The following CCDC178 variants were observed in gnomAD, a reference collection of about 807,000 sequenced individuals.
The protein encoded by CCDC178 is coiled-coil domain-containing protein 178.
A neutral mutation model predicts 117.4 loss-of-function variants in CCDC178; 126 were observed. That is an observed-to-expected ratio of 1.07 (90% CI 0.93 to 1.24). CCDC178 has a LOEUF of 1.24. CCDC178 is among the 50% of genes most tolerant of loss of function. The pLI, the probability that CCDC178 is intolerant of heterozygous loss-of-function variation, is 0.00. For synonymous variants in CCDC178, 283 were observed against 313.4 expected, an observed-to-expected ratio of 0.90 and a Z score of 1.02; for missense variants, 1,030 against 986.9, an observed-to-expected ratio of 1.04 and a Z score of -0.59.
chr18:33,193,710 G>A (rs1051927027), intron 20 of CCDC178, among the ~76,000 whole-genome samples: 6 of 152,152 alleles, frequency 3.9e-5, no homozygotes, highest in Non-Finnish European at 7.3e-5. Flanking sequence ...TTGAAAAACT[G>A]TTATAGTAAA....
intron 6 of CCDC178, 48 bp downstream of exon 6, chr18:33,370,002 G>C (rs536486021): frequency 2.7e-6 from 4 of 1,464,010 alleles, no homozygotes; most frequent in South Asian, 1.4e-5. Context: ...ATCCTTAGAG[G>C]GTCGATAAAG....
chr18:33,414,464 T>C (rs1054011132), intron 2 of CCDC178, among the ~76,000 whole-genome samples: 6 of 152,168 alleles, frequency 3.9e-5, no homozygotes, highest in African/African-American at 1.4e-4. Context: ...ATTCCCTATT[T>C]AATAAACAGT....
chr18:33,417,118 A>C (rs1431283050), intron 2 of CCDC178, among the ~76,000 whole-genome samples: 2 of 152,188 alleles, frequency 1.3e-5, no homozygotes. Context: ...ATCCCAGATA[A>C]CATTTTCATT....
At chr18:33,174,839 ATTCCTGTT>A (rs1384788642) in intron 20 of CCDC178, among the ~76,000 whole-genome samples, 1 of 151,750 alleles carries the variant, frequency 6.6e-6, no homozygotes, top group Non-Finnish European at 1.5e-5. Flanking sequence ...TTAACCAACA[ATTCCTGTT>A]TCATATTAGT....
intron 21 of CCDC178, among the ~76,000 whole-genome samples, chr18:33,069,589 G>A (rs924436368): frequency 9.9e-5 from 15 of 152,042 alleles, no homozygotes; most frequent in African/African-American, 3.6e-4. Flanking sequence ...AAGTACAGGA[G>A]AAAACCTTGA....
At chr18:33,276,464 G>A (rs2059951068) in intron 12 of CCDC178, among the ~76,000 whole-genome samples, 1 of 152,012 alleles carries the variant, frequency 6.6e-6, no homozygotes, top group Non-Finnish European at 1.5e-5. Context: ...AAAAGACTAA[G>A]CACTGAGGTT....
At chr18:33,268,692 A>T (rs2059850259) in intron 12 of CCDC178, among the ~76,000 whole-genome samples, 1 of 151,872 alleles carries the variant, frequency 6.6e-6, no homozygotes, top group African/African-American at 2.4e-5. Context: ...ACCATGAAAA[A>T]AATGTAAAAT....
intron 20 of CCDC178, among the ~76,000 whole-genome samples, chr18:33,117,382 C>T (rs1366549204): frequency 1.3e-5 from 2 of 152,078 alleles, no homozygotes; most frequent in African/African-American, 4.8e-5. Context: ...GACTTCCACT[C>T]ACCAAAGCTG....
intron 4 of CCDC178, among the ~76,000 whole-genome samples, chr18:33,394,493 G>A (rs2144837922): frequency 6.6e-6 from 1 of 151,698 alleles, no homozygotes; most frequent in Non-Finnish European, 1.5e-5. Context: ...AATTCCAAGA[G>A]ATTCTTGTAA....
At chr18:32,968,097 G>A (rs1393933366) in intron 22 of CCDC178, among the ~76,000 whole-genome samples, 4 of 151,642 alleles carry the variant, frequency 2.6e-5, no homozygotes, top group African/African-American at 9.7e-5. Flanking sequence ...TATTTCTCCT[G>A]TCTAATTGTA....
intron 20 of CCDC178, among the ~76,000 whole-genome samples, chr18:33,136,588 G>A (rs1456618840): frequency 6.6e-6 from 1 of 152,140 alleles, no homozygotes; most frequent in African/African-American, 2.4e-5. Flanking sequence ...GTGGCCCACA[G>A]GATGAAGACT....
At chr18:33,002,473 T>A (rs530350005) in intron 21 of CCDC178, among the ~76,000 whole-genome samples, 10 of 152,012 alleles carry the variant, frequency 6.6e-5, no homozygotes, top group Non-Finnish European at 8.8e-5. Context: ...AAATTTAAAA[T>A]TTTTTTAAAA....
At chr18:33,100,067 C>T (rs939842848) in intron 20 of CCDC178, among the ~76,000 whole-genome samples, 18 of 151,844 alleles carry the variant, frequency 1.2e-4, no homozygotes, top group African/African-American at 4.1e-4. Flanking sequence ...GGTGGAGGCA[C>T]CTTTATGACA....
chr18:33,225,406 C>T (rs531370403), intron 16 of CCDC178, among the ~76,000 whole-genome samples: 15 of 152,194 alleles, frequency 9.9e-5, no homozygotes, highest in South Asian at 6.2e-4. Context: ...GCGATCCACC[C>T]GCCTTGGCCT....
chr18:33,090,071 A>G (rs2145064783), intron 21 of CCDC178, among the ~76,000 whole-genome samples: 1 of 152,330 alleles, frequency 6.6e-6, no homozygotes, highest in Middle Eastern at 3.4e-3. Flanking sequence ...AGTATCAAAG[A>G]TAACACAAGC....
chr18:32,983,151 ACC>A, intron 21 of CCDC178: 1 of 511,264 alleles, frequency 2.0e-6, no homozygotes, highest in East Asian at 3.0e-5. Context: ...AAAAAAAAAA[ACC>A]ACTTCTCAGT....
At chr18:33,024,477 C>T (rs751369024) in intron 21 of CCDC178, among the ~76,000 whole-genome samples, 22 of 152,046 alleles carry the variant, frequency 1.4e-4, no homozygotes, top group Non-Finnish European at 2.9e-4. Flanking sequence ...AGGGTCCACC[C>T]ATATTATCTC....
chr18:33,257,594 G>A (rs190532800), intron 14 of CCDC178, among the ~76,000 whole-genome samples: 3 of 152,138 alleles, frequency 2.0e-5, no homozygotes, highest in East Asian at 3.9e-4. Flanking sequence ...TTGCCTGTAA[G>A]CCCAGCTCTT....
Position 33,197,077 on chromosome 18 carries a change from G to A in CCDC178, c.2238+14819C>T, listed in dbSNP as rs1336507985. Reference sequence around the variant, plus strand: ...GGGTGTCACTCTGTTACCCAGGTTGGAGCGCAGTGGTGCTATCATAGCTGT... The same window carrying A: ...GGGTGTCACTCTGTTACCCAGGTTGAAGCGCAGTGGTGCTATCATAGCTGT... On this transcript the variant is annotated intron_variant, in intron 20 of 22. Coordinates refer to ENST00000383096, the MANE Select transcript of CCDC178 (RefSeq NM_001105528.4). Among the ~76,000 whole-genome samples the A allele has an allele frequency of 2.0e-5, 3 of 151,944 alleles. No individual in the cohort carries two copies. In the East Asian group the frequency reaches 5.8e-4, roughly 29 times the overall value.
Sources: gnomAD v4.1 joint callset for allele counts (sites outside exome capture counted in the v4.1 genomes callset) on GRCh38, gnomAD v4.1.1 for gene constraint, MANE v1.5 for transcripts, NCBI Gene and HGNC (gene_info 2026-07-23, HGNC 2026-07-21) for gene names.